RBFOX1: variants seen among roughly 807,000 people sequenced by gnomAD.
The protein encoded by RBFOX1 is RNA binding protein fox-1 homolog 1.
In RBFOX1, 8 loss-of-function variants were observed where a neutral mutation model predicts 57.7. The observed-to-expected ratio is 0.14, with a 90% CI of 0.08 to 0.25. The LOEUF (loss-of-function observed/expected upper bound fraction) is 0.25. Among genes scored for constraint, RBFOX1 ranks in the 10% least tolerant of loss-of-function variants. The pLI, the probability that RBFOX1 is intolerant of heterozygous loss-of-function variation, is 1.00. For missense variants in RBFOX1, 611 were observed against 548.5 expected (o/e 1.11, Z -1.14); for synonymous variants, 326 against 222.4 (o/e 1.47, Z -4.15).
intron 4 of RBFOX1, among the ~76,000 whole-genome samples, chr16:7,314,747 G>A (rs2096399080): frequency 6.6e-6 from 1 of 152,148 alleles, no homozygotes; most frequent in South Asian, 2.1e-4. Flanking sequence ...GCAGGGGAGA[G>A]GGCGAGTTGA....
At chr16:6,759,859 G>A (rs1440605884) in intron 3 of RBFOX1, among the ~76,000 whole-genome samples, 1 of 152,082 alleles carries the variant, frequency 6.6e-6, no homozygotes, top group Admixed American at 6.6e-5. Flanking sequence ...TACCCAAATG[G>A]CCTATAACAG....
At chr16:6,201,221 G>A (rs1248218049) in intron 1 of RBFOX1, among the ~76,000 whole-genome samples, 1 of 152,170 alleles carries the variant, frequency 6.6e-6, no homozygotes, top group Non-Finnish European at 1.5e-5. Flanking sequence ...TGGACATGAA[G>A]GTGGCTTCCA....
At chr16:5,998,220 C>G (rs1326120396) in intron 4 of RBFOX1, among the ~76,000 whole-genome samples, 1 of 152,154 alleles carries the variant, frequency 6.6e-6, no homozygotes, top group African/African-American at 2.4e-5. Context: ...ACACTAGATT[C>G]CTCTGATGTG....
chr16:6,630,752 A>C (rs548316690), intron 2 of RBFOX1, among the ~76,000 whole-genome samples: 1 of 152,180 alleles, frequency 6.6e-6, no homozygotes, highest in African/African-American at 2.4e-5. Context: ...TGATGAAAAT[A>C]CCATGAGAAG....
chr16:7,336,964 G>A (rs1326566330), intron 4 of RBFOX1, among the ~76,000 whole-genome samples: 4 of 152,122 alleles, frequency 2.6e-5, no homozygotes, highest in African/African-American at 9.7e-5. Context: ...TCAGGGTGTT[G>A]TCCTAGACCC....
At chr16:5,521,781 G>T (rs2044029206) in intron 2 of RBFOX1, among the ~76,000 whole-genome samples, 1 of 152,180 alleles carries the variant, frequency 6.6e-6, no homozygotes. Context: ...ATTTCAAACT[G>T]CACTGCAATG....
intron 1 of RBFOX1, among the ~76,000 whole-genome samples, chr16:5,439,851 A>C (rs1376045676): frequency 6.6e-6 from 1 of 152,194 alleles, no homozygotes; most frequent in Non-Finnish European, 1.5e-5. Context: ...ACATGGCAGC[A>C]GGTGAGTTAG....
At chr16:7,598,376 G>C (rs1387538454) in intron 9 of RBFOX1, among the ~76,000 whole-genome samples, 1 of 151,994 alleles carries the variant, frequency 6.6e-6, no homozygotes, top group African/African-American at 2.4e-5. Flanking sequence ...TGTGAGACTG[G>C]CAAACATTTT....
At chr16:6,070,462 C>G (rs1297321180) in intron 1 of RBFOX1, among the ~76,000 whole-genome samples, 2 of 152,134 alleles carry the variant, frequency 1.3e-5, no homozygotes, top group South Asian at 2.1e-4. Context: ...ATAGCCCAAA[C>G]TTTCGTGGTT....
intron 3 of RBFOX1, among the ~76,000 whole-genome samples, chr16:7,000,964 A>T (rs904538219): frequency 2.6e-5 from 4 of 152,118 alleles, no homozygotes; most frequent in African/African-American, 9.7e-5. Flanking sequence ...TCTTTATTGA[A>T]GTCCTTTTTG....
chr16:7,398,458 T>C (rs1019330385), intron 4 of RBFOX1, among the ~76,000 whole-genome samples: 2 of 152,244 alleles, frequency 1.3e-5, no homozygotes, highest in Non-Finnish European at 2.9e-5. Context: ...TGATTATTGC[T>C]ATTCTTATAT....
intron 3 of RBFOX1, among the ~76,000 whole-genome samples, chr16:7,047,762 TC>T (rs899924929): frequency 2.3e-5 from 3 of 131,206 alleles, no homozygotes; most frequent in Admixed American, 8.3e-5. Flanking sequence ...AATTTTTTTT[TC>T]CCCTATGTTG....
At chr16:5,594,532 T>C (rs1209595324) in intron 2 of RBFOX1, among the ~76,000 whole-genome samples, 3 of 152,126 alleles carry the variant, frequency 2.0e-5, no homozygotes, top group Non-Finnish European at 4.4e-5. Context: ...GGTTTCTTCA[T>C]CTGGAAAGGC....
At chr16:7,322,368 G>A (rs986026253) in intron 4 of RBFOX1, among the ~76,000 whole-genome samples, 18 of 152,232 alleles carry the variant, frequency 1.2e-4, no homozygotes, top group African/African-American at 4.1e-4. Context: ...CAGGTTCATA[G>A]CGTCAAAGTC....
chr16:6,737,173 G>C (rs2070624835), intron 3 of RBFOX1, among the ~76,000 whole-genome samples: 1 of 152,142 alleles, frequency 6.6e-6, no homozygotes, highest in South Asian at 2.1e-4. Context: ...ATATTGGCAA[G>C]AATGGTAGAT....
At position 7,077,047 on chromosome 16, in the gene RBFOX1, A is replaced by G. The variant is rs553866282; in HGVS notation, c.27+24949A>G. Among the ~76,000 whole-genome samples, 5 of 152,320 alleles carry G rather than the reference A, an allele frequency of 3.3e-5. No individual in the cohort carries two copies. The East Asian group carries it at 7.7e-4, about 23-fold the overall frequency. On this transcript the variant is annotated intron_variant, in intron 4 of 15. Transcript: ENST00000550418. Reference sequence around the variant, plus strand: ...TTTCTTGGAACAGGGCCATTTAGTTAGTGGACGAGACCTCAGAGGTTTTCT... The same window carrying G: ...TTTCTTGGAACAGGGCCATTTAGTTGGTGGACGAGACCTCAGAGGTTTTCT...
intron 3 of RBFOX1, among the ~76,000 whole-genome samples, chr16:5,692,179 G>C (rs941195174): frequency 6.2e-5 from 5 of 80,720 alleles, no homozygotes; most frequent in Admixed American, 1.4e-4. Flanking sequence ...GTGTGTGTGT[G>C]TGTGTGTGTG....
At chr16:7,321,533 C>G (rs1218149043) in intron 4 of RBFOX1, among the ~76,000 whole-genome samples, 1 of 152,100 alleles carries the variant, frequency 6.6e-6, no homozygotes, top group East Asian at 1.9e-4. Context: ...CCAGATTTAC[C>G]CTTCACAAGC....
At position 7,413,123 on chromosome 16, in the gene RBFOX1, A is replaced by G. The variant is rs1179174165; in HGVS notation, c.28-105024A>G. On this transcript the variant is annotated intron_variant, in intron 4 of 15. Coordinates refer to ENST00000550418, the MANE Select transcript of RBFOX1 (RefSeq NM_018723.4). ...TATGGAATTATTTTACTTGAGAAGCAGTGATGGGGAAAAAAAATGTAGGTC... is the reference window on the plus strand; with the variant it reads ...TATGGAATTATTTTACTTGAGAAGCGGTGATGGGGAAAAAAAATGTAGGTC... 2.6e-5 allele frequency among the ~76,000 whole-genome samples: 4 copies of G among 152,228 alleles called. No homozygotes were observed. The East Asian group carries it at 7.7e-4, about 29-fold the overall frequency.
Sources: gnomAD v4.1 joint callset for allele counts (sites outside exome capture counted in the v4.1 genomes callset) on GRCh38, gnomAD v4.1.1 for gene constraint, MANE v1.5 for transcripts, NCBI Gene and HGNC (gene_info 2026-07-23, HGNC 2026-07-21) for gene names.